The following CEP164 variants were observed in gnomAD, a reference collection of about 807,000 sequenced individuals.
The protein encoded by CEP164 is centrosomal protein of 164 kDa.
In CEP164, 162 loss-of-function variants were observed where a neutral mutation model predicts 182.7. That is an observed-to-expected ratio of 0.89 (90% confidence interval 0.78 to 1.01). CEP164 has a LOEUF of 1.01. CEP164 is among the 50% of genes least tolerant of loss of function. The pLI, the probability that CEP164 is intolerant of heterozygous loss-of-function variation, is 0.00. For missense variants in CEP164, 1,735 were observed against 1,790.4 expected (o/e 0.97, Z 0.56); for synonymous variants, 661 against 690.0 (o/e 0.96, Z 0.66).
At chr11:117,405,999 GTCT>G (rs1233039903) in intron 27 of CEP164, among the ~76,000 whole-genome samples, 5 of 152,104 alleles carry the variant, frequency 3.3e-5, no homozygotes, top group Non-Finnish European at 7.3e-5. Context: ...ACATTTTCCT[GTCT>G]TCTTCTGAGC....
At chr11:117,384,501 G>C (rs2043716779) in intron 14 of CEP164, 1 of 152,258 alleles carries the variant, frequency 6.6e-6, no homozygotes, top group Non-Finnish European at 1.5e-5. Context: ...AGGTCAGAGG[G>C]ATGTCTTCCC....
chr11:117,364,100 C>T (rs1282400047), intron 8 of CEP164: 1 of 152,164 alleles, frequency 6.6e-6, no homozygotes, highest in Non-Finnish European at 1.5e-5. Flanking sequence ...GCTTTCCCTA[C>T]CATGTATCCT....
At chr11:117,358,986 C>G (rs1336370010) in intron 5 of CEP164, among the ~76,000 whole-genome samples, 2 of 151,400 alleles carry the variant, frequency 1.3e-5, no homozygotes, top group Non-Finnish European at 2.9e-5. Flanking sequence ...ACTCTGTAAC[C>G]CAGGCTGGAG....
Position 117,411,590 on chromosome 11 carries a change from C to T in CEP164, c.4164-205C>T. 1 of 594,144 alleles carries T rather than the reference C, an allele frequency of 1.7e-6. No homozygotes were observed. Among genetic ancestry groups the T allele is most frequent in the Non-Finnish European group, 2.8e-6 (1 of 354,110 alleles). 36.8% of individuals were successfully genotyped at this position (594,144 alleles called of 1,614,324 possible). ...GTATCAGTAGCACCCAGCAAGGGGG[C>T]AGAGGGCCTCCACCACTTTCCCGTT... On this transcript the variant is annotated intron_variant, in intron 31 of 32. Coordinates refer to ENST00000278935, the MANE Select transcript of CEP164 (RefSeq NM_014956.5). The surrounding 1 kb of genome is among the most constrained non-coding windows in gnomAD (Gnocchi z 4.4).
chr11:117,383,907 G>T (rs2136188135), intron 14 of CEP164, among the ~76,000 whole-genome samples: 1 of 152,304 alleles, frequency 6.6e-6, no homozygotes, highest in Non-Finnish European at 1.5e-5. Context: ...GTGGTGGCAG[G>T]TGCCTATAAT....
At position 117,397,540 on chromosome 11, in the gene CEP164, G is replaced by T. The variant is rs569845; in HGVS notation, c.3501+227G>T. ...GATAACACTATTAGTCCATTTTCAT[G>T]CTGCTGATAAAGACATACCTGAAAC... On this transcript the variant is annotated intron_variant, in intron 27 of 32. Transcript: ENST00000278935. Among the ~76,000 whole-genome samples, 5,744 of 152,276 alleles carry T rather than the reference G, an allele frequency of 0.038. 186 individuals carry two copies. The highest frequency in any genetic ancestry group is 0.058 in the Non-Finnish European group (3,968 of 68,012).
intron 4 of CEP164, among the ~76,000 whole-genome samples, chr11:117,346,360 C>T (rs889161990): frequency 1.3e-5 from 2 of 151,902 alleles, no homozygotes; most frequent in African/African-American, 2.4e-5. Context: ...CCTCGGCTCA[C>T]TGCAGCCTCT....
In CEP164 at chr11:117,382,696, T is replaced by C. The variant is rs910075651; in HGVS notation, c.1578-100T>C. On this transcript the variant is annotated intron_variant, in intron 13 of 32. Transcript: ENST00000278935. ...GGTAGGGAAATTGTTGGGCTGTCTC[T>C]CTTGTCTCTGTCATAGCTCTTTGAC... 10 of 1,410,410 alleles carry C rather than the reference T, an allele frequency of 7.1e-6. No homozygotes were observed. The Admixed American group carries it at 7.9e-5, about 11-fold the overall frequency. The allele number at this position is 1,410,410 out of a possible 1,614,324, so 87.4% of individuals were successfully genotyped here. A position where few individuals can be genotyped will look rare whatever the true frequency, so the allele number is the denominator to read the frequency against.
intron 27 of CEP164, among the ~76,000 whole-genome samples, chr11:117,397,527 A>G (rs1294497825): frequency 1.3e-5 from 2 of 152,260 alleles, no homozygotes; most frequent in African/African-American, 4.8e-5. Context: ...TAACACTATT[A>G]GTCCATTTTC....
chr11:117,344,429 A>G (rs2038596248), intron 4 of CEP164, 152 bp downstream of exon 4: 3 of 591,526 alleles, frequency 5.1e-6, no homozygotes, highest in Non-Finnish European at 9.1e-6. Flanking sequence ...GCTGCCTGCT[A>G]TTTCAGGCTT....
chr11:117,365,988 A>C (rs1393140336), intron 8 of CEP164, among the ~76,000 whole-genome samples: 3 of 152,128 alleles, frequency 2.0e-5, no homozygotes, highest in Non-Finnish European at 4.4e-5. Context: ...TAGGCACCCC[A>C]GTGTGATGAG....
chr11:117,397,282 C>G lies in CEP164; in HGVS notation c.3470C>G (p.Ala1157Gly). Residue 1157 changes from alanine to glycine, a missense_variant, in exon 27 of 33, where the codon GCC becomes GGC. Transcript: ENST00000278935. ...GCCAAAGACCCACCAGGCATCAAGG[C>G]CCTGGAAGATATGCGCAAGAACCTG... ...EVAKDPPGIK[A>G]LEDMRKNLEK... 1 of 1,613,616 alleles carries G rather than the reference C, an allele frequency of 6.2e-7. No individual in the cohort carries two copies. The highest frequency in any genetic ancestry group is 8.5e-7 in the Non-Finnish European group (1 of 1,179,974).
At chr11:117,333,695 A>G (rs1165000459) in intron 1 of CEP164, among the ~76,000 whole-genome samples, 2 of 151,092 alleles carry the variant, frequency 1.3e-5, no homozygotes, top group Non-Finnish European at 2.9e-5. Context: ...TACCTGGCTA[A>G]TTTTTAATTT....
In CEP164 at chr11:117,344,288, A is replaced by AG; in HGVS notation, c.194+16dup. 1 of 1,592,932 alleles carries AG rather than the reference A, an allele frequency of 6.3e-7. No individual in the cohort carries two copies. Among genetic ancestry groups the AG allele is most frequent in the South Asian group, 1.1e-5 (1 of 89,582 alleles). Reference sequence around the variant, plus strand: ...AGAGTGGAAACCATGGTAAGTCAGCAGGGGGTGCGGCCACTGACTTGGCCT... The same window carrying AG: ...AGAGTGGAAACCATGGTAAGTCAGCAGGGGGGTGCGGCCACTGACTTGGCCT... On this transcript the variant is annotated intron_variant, in intron 4 of 32. Transcript: ENST00000278935.
chr11:117,327,656 CTCTT>C (rs370078356), upstream of CEP164, among the ~76,000 whole-genome samples: 423 of 152,186 alleles, frequency 2.8e-3, 3 homozygotes, highest in African/African-American at 9.6e-3. Context: ...TTAAACTACA[CTCTT>C]TCAACCTCTT....
chr11:117,357,482 TGC>T (rs1273254042), intron 5 of CEP164, among the ~76,000 whole-genome samples: 1 of 149,894 alleles, frequency 6.7e-6, no homozygotes, highest in African/African-American at 2.4e-5. Flanking sequence ...AGTGCAATGG[TGC>T]CATCTCAGGT....
At chr11:117,403,071 C>T (rs761422070) in intron 27 of CEP164, among the ~76,000 whole-genome samples, 5 of 152,140 alleles carry the variant, frequency 3.3e-5, no homozygotes, top group Non-Finnish European at 5.9e-5. Flanking sequence ...TCTTTGCACA[C>T]GAGGTGGGTC....
At chr11:117,335,068 G>C (rs1256614683) in intron 1 of CEP164, among the ~76,000 whole-genome samples, 3 of 152,114 alleles carry the variant, frequency 2.0e-5, no homozygotes, top group African/African-American at 7.2e-5. Context: ...CTCTCCCTAA[G>C]AGGATTAAAG....
intron 9 of CEP164, 126 bp downstream of exon 9, chr11:117,371,592 C>T (rs2042197633): frequency 1.4e-5 from 17 of 1,193,156 alleles, no homozygotes; most frequent in Non-Finnish European, 1.6e-5. Flanking sequence ...TGTCCCTGCA[C>T]TGGGCTGTCA....
Sources: allele counts gnomAD v4.1 joint callset (sites outside exome capture counted in the v4.1 genomes callset), GRCh38; gene constraint gnomAD v4.1.1; non-coding constraint Gnocchi (gnomAD v3.1); transcripts MANE v1.5; gene names NCBI Gene and HGNC (gene_info 2026-07-23, HGNC 2026-07-21).